RNF212B: variants seen among roughly 807,000 people sequenced by gnomAD.
The protein encoded by RNF212B is E3 ubiquitin-protein ligase RNF212B.
RNF212B carries 52 observed loss-of-function variants against 55.5 expected under a neutral mutation model. That is an observed-to-expected ratio of 0.94 (90% CI 0.75 to 1.18). RNF212B has a LOEUF of 1.18. RNF212B is among the 50% of genes most tolerant of loss of function. The probability of loss-of-function intolerance (pLI) is 0.00; values close to 1 mark genes in which losing one functional copy is unlikely to be tolerated. For missense variants in RNF212B, 289 were observed against 350.4 expected (o/e 0.82, Z 1.40); for synonymous variants, 99 against 121.4 (o/e 0.82, Z 1.21).
chr14:23,232,722 G>GT (rs1882778326), intron 2 of RNF212B, among the ~76,000 whole-genome samples: 2 of 145,868 alleles, frequency 1.4e-5, no homozygotes, highest in East Asian at 4.3e-4. Flanking sequence ...CAGCCGCCCC[G>GT]TCCGGGAGGG....
intron 2 of RNF212B, among the ~76,000 whole-genome samples, chr14:23,198,932 A>ATG (rs1879008105): frequency 1.3e-5 from 2 of 152,192 alleles, no homozygotes; most frequent in Admixed American, 1.3e-4. Context: ...GTATATATAT[A>ATG]GACAGAAATA....
chr14:23,225,189 C>T (rs894003515), intron 2 of RNF212B, among the ~76,000 whole-genome samples: 3 of 152,048 alleles, frequency 2.0e-5, no homozygotes, highest in African/African-American at 7.2e-5. Flanking sequence ...AAGAGAGAGC[C>T]CTTGTACACT....
At chr14:23,261,127 T>C (rs1421888042) in intron 7 of RNF212B, among the ~76,000 whole-genome samples, 2 of 152,254 alleles carry the variant, frequency 1.3e-5, no homozygotes, top group South Asian at 2.1e-4. Context: ...TTTGTTCCGA[T>C]TGGCTAGCAA....
At chr14:23,217,961 T>C (rs1317138648) in intron 2 of RNF212B, among the ~76,000 whole-genome samples, 1 of 151,998 alleles carries the variant, frequency 6.6e-6, no homozygotes, top group Non-Finnish European at 1.5e-5. Flanking sequence ...AAATAGCTGT[T>C]TTAAGGAACT....
chr14:23,265,631 A>T (rs1186481144), intron 11 of RNF212B, among the ~76,000 whole-genome samples: 2 of 152,188 alleles, frequency 1.3e-5, no homozygotes, highest in Non-Finnish European at 1.5e-5. Context: ...TATTTCTGTC[A>T]GGTTGGTAAC....
At chr14:23,236,339 C>T (rs1333766674), upstream of RNF212B, among the ~76,000 whole-genome samples, 1 of 152,132 alleles carries the variant, frequency 6.6e-6, no homozygotes, top group African/African-American at 2.4e-5. Context: ...CACGGTGAAA[C>T]CCCGTCTCTA....
chr14:23,239,020 A>G lies in RNF212B; in HGVS notation c.-2+965A>G, dbSNP rs531301076. 5.3e-5 allele frequency among the ~76,000 whole-genome samples: 8 copies of G among 152,284 alleles called. No homozygotes were observed. In the East Asian group the frequency reaches 1.5e-3, roughly 29 times the overall value. On this transcript the variant is annotated intron_variant, in intron 1 of 14. Transcript: ENST00000430154. Reference sequence around the variant, plus strand: ...CTCTTTTGAAAAATGTTGGGACTGAACAAACATTAAGTAATTTTTCAAAGT... The same window carrying G: ...CTCTTTTGAAAAATGTTGGGACTGAGCAAACATTAAGTAATTTTTCAAAGT...
In RNF212B at chr14:23,272,192, C is replaced by T. The variant is rs571504837; in HGVS notation, c.835-631C>T. On this transcript the variant is annotated intron_variant, in intron 14 of 14. Coordinates refer to ENST00000430154, the MANE Select transcript of RNF212B (RefSeq NM_001282322.3). The stretch of plus-strand genomic sequence containing the variant: ...CAGCACTTTGGGAGGCCGAGGCGGG[C>T]GGATTATGAGGTCAGGAGATCGAGA... Among the ~76,000 whole-genome samples the T allele has an allele frequency of 3.4e-4, 52 of 151,928 alleles. 1 individual carries two copies. The highest frequency in any genetic ancestry group is 2.5e-3 in the East Asian group (13 of 5,166).
chr14:23,211,631 A>G (rs550957711), intron 2 of RNF212B, among the ~76,000 whole-genome samples: 15 of 152,354 alleles, frequency 9.8e-5, no homozygotes, highest in South Asian at 8.3e-4. Flanking sequence ...AAAGGATAAT[A>G]CGTCATGAAC....
chr14:23,261,484 C>T (rs997884784), intron 7 of RNF212B, among the ~76,000 whole-genome samples: 1 of 152,212 alleles, frequency 6.6e-6, no homozygotes, highest in Non-Finnish European at 1.5e-5. Context: ...TTTTACACTA[C>T]TCATCCTTCA....
intron 2 of RNF212B, among the ~76,000 whole-genome samples, chr14:23,198,670 C>T (rs1416336263): frequency 1.3e-4 from 1 of 7,482 alleles, no homozygotes; most frequent in African/African-American, 2.5e-4. Context: ...AAAACTCTGT[C>T]CAAAAAAAAA....
Position 23,218,690 on chromosome 14 carries a change from A to C in RNF212B, c.-1-21655A>C, listed in dbSNP as rs1385402380. ...CCTACAAGATCTAGAAAATAGCCTC[A>C]AAAGGGCAAATGTGAGTTATTGGCC... On this transcript the variant is annotated intron_variant, in intron 2 of 15. Coordinates refer to the RNF212B transcript ENST00000399910. Among the ~76,000 whole-genome samples the C allele has an allele frequency of 2.6e-5, 4 of 152,186 alleles. No homozygotes were observed. In the East Asian group the frequency reaches 7.7e-4, roughly 29 times the overall value.
intron 2 of RNF212B, among the ~76,000 whole-genome samples, chr14:23,232,624 C>A (rs1488681040): frequency 6.6e-6 from 1 of 151,710 alleles, no homozygotes; most frequent in Non-Finnish European, 1.5e-5. Flanking sequence ...CGGCCAGCCT[C>A]CCCGTCCGGG....
chr14:23,193,991 G>A (rs566699886), intron 2 of RNF212B, among the ~76,000 whole-genome samples: 12 of 152,220 alleles, frequency 7.9e-5, no homozygotes, highest in African/African-American at 2.9e-4. Flanking sequence ...ACAGGAGCCT[G>A]CCGCTACGCC....
In RNF212B at chr14:23,270,620, A is replaced by G; in HGVS notation, c.793A>G (p.Thr265Ala). ...NNFAQRESTTTLESLPSFQLP... is the reference protein window; with the variant it reads ...NNFAQRESTTALESLPSFQLP... ...TTCAGCTCAGAGGGAGAGCACAACT[A>G]CACTAGAGAGTCTTCCTAGTTTCCA... The change falls in exon 14 of 15, where the codon ACA becomes GCA. Residue 265 changes from threonine to alanine, a missense_variant. Thr to Ala is a moderately conservative substitution (Grantham distance 58). Coordinates refer to ENST00000430154, the MANE Select transcript of RNF212B (RefSeq NM_001282322.3). The G allele has an allele frequency of 6.4e-7, 1 of 1,550,532 alleles. No homozygotes were observed. The highest frequency in any genetic ancestry group is 8.7e-7 in the Non-Finnish European group (1 of 1,146,590).
chr14:23,251,633 T>C (rs1353324738), intron 4 of RNF212B, among the ~76,000 whole-genome samples: 1 of 152,090 alleles, frequency 6.6e-6, no homozygotes, highest in Non-Finnish European at 1.5e-5. Flanking sequence ...CTGGCCAACA[T>C]GGTGAAACCC....
upstream of RNF212B, among the ~76,000 whole-genome samples, chr14:23,237,482 A>G: frequency 6.6e-6 from 1 of 152,136 alleles, no homozygotes; most frequent in East Asian, 1.9e-4. Context: ...GTTAGTTCTC[A>G]ATTAATATCA....
intron 2 of RNF212B, among the ~76,000 whole-genome samples, chr14:23,227,109 T>C (rs1018344650): frequency 5.9e-5 from 9 of 152,106 alleles, no homozygotes; most frequent in Non-Finnish European, 1.5e-5. Context: ...TTGTATTATA[T>C]TTATATAAGA....
chr14:23,260,665 C>G lies in RNF212B; in HGVS notation c.412C>G (p.Pro138Ala). 2.6e-6 allele frequency: 4 copies of G among 1,550,468 alleles called. No homozygotes were observed. Among genetic ancestry groups the G allele is most frequent in the Non-Finnish European group, 2.6e-6 (3 of 1,146,934 alleles). ...KKFLAILKES[P>A]SRYQGSRSIT... ...CTGGTTTTTTCACCTATAGGAATCTCCAAGTCGGTACCAAGGAAGCAGGTC... is the reference window on the plus strand; with the variant it reads ...CTGGTTTTTTCACCTATAGGAATCTGCAAGTCGGTACCAAGGAAGCAGGTC... The change falls in exon 7 of 15, where the codon CCA becomes GCA. Residue 138 changes from proline (P) to alanine (A), a missense_variant. Pro to Ala is a conservative substitution (Grantham distance 27). Transcript: ENST00000430154.
Sources: allele counts gnomAD v4.1 joint callset (sites outside exome capture counted in the v4.1 genomes callset), GRCh38; gene constraint gnomAD v4.1.1; transcripts MANE v1.5; gene names NCBI Gene and HGNC (gene_info 2026-07-23, HGNC 2026-07-21).